DSCAML1: variants seen among roughly 807,000 people sequenced by gnomAD.
DSCAML1 encodes the protein DS cell adhesion molecule like 1.
Under a neutral mutation model 200.5 loss-of-function variants are expected in DSCAML1, and 38 were observed. That is an observed-to-expected ratio of 0.19 (90% confidence interval 0.15 to 0.25). The LOEUF is 0.25. Among genes scored for constraint, DSCAML1 ranks in the 10% least tolerant of loss-of-function variants. The pLI, the probability that DSCAML1 is intolerant of heterozygous loss-of-function variation, is 1.00. For missense variants in DSCAML1, 2,223 were observed against 2,858.8 expected, an observed-to-expected ratio of 0.78 and a Z score of 5.07; for synonymous variants, 1,215 against 1,165.0, an observed-to-expected ratio of 1.04 and a Z score of -0.87.
At chr11:117,457,980 A>G (rs1391907140) in intron 19 of DSCAML1, among the ~76,000 whole-genome samples, 3 of 152,216 alleles carry the variant, frequency 2.0e-5, no homozygotes, top group Non-Finnish European at 2.9e-5. Context: ...CCTGTGAAAC[A>G]ACTAAATGAT....
intron 3 of DSCAML1, among the ~76,000 whole-genome samples, chr11:117,733,817 A>G (rs950843879): frequency 1.3e-5 from 2 of 151,422 alleles, no homozygotes; most frequent in African/African-American, 4.9e-5. Context: ...TGGAGAAGTC[A>G]TCTTCCTCTG....
intron 3 of DSCAML1, among the ~76,000 whole-genome samples, chr11:117,740,028 T>C (rs1244229780): frequency 6.6e-6 from 1 of 152,118 alleles, no homozygotes; most frequent in Non-Finnish European, 1.5e-5. Flanking sequence ...GAGGAACCAA[T>C]GGGTAGAGAT....
At chr11:117,670,583 T>G (rs2053083838) in intron 3 of DSCAML1, among the ~76,000 whole-genome samples, 1 of 152,100 alleles carries the variant, frequency 6.6e-6, no homozygotes, top group African/African-American at 2.4e-5. Flanking sequence ...TTCCAGCTGC[T>G]GCGTGAAGGC....
chr11:117,516,403 G>A lies in DSCAML1; in HGVS notation c.1783+64C>T. On this transcript the variant is annotated intron_variant, in intron 8 of 32. Coordinates refer to ENST00000651296, the MANE Select transcript of DSCAML1 (RefSeq NM_020693.4). This position sits in a 1 kb window ranked among gnomAD's most constrained non-coding sequence, Gnocchi z 5.7. ...CTATTGTTGTCTGAGTCCCAGCTGG[G>A]GAAAGGCCCACGCATCCTGGGTGGT... The A allele has an allele frequency of 6.4e-7, 1 of 1,560,824 alleles. No homozygotes were observed. The highest frequency in any genetic ancestry group is 1.2e-5 in the South Asian group (1 of 82,036).
At chr11:117,446,503 A>T (rs2048179901) in intron 20 of DSCAML1, among the ~76,000 whole-genome samples, 1 of 151,908 alleles carries the variant, frequency 6.6e-6, no homozygotes, top group South Asian at 2.1e-4. Flanking sequence ...TAAGAAAAAT[A>T]TGAGAAACCC....
chr11:117,502,902 C>G (rs941430838), intron 11 of DSCAML1, among the ~76,000 whole-genome samples: 1 of 152,078 alleles, frequency 6.6e-6, no homozygotes, highest in Non-Finnish European at 1.5e-5. Context: ...CAAGTATGCT[C>G]ATCAAGGTCC....
At chr11:117,710,809 T>C (rs1227346330) in intron 3 of DSCAML1, among the ~76,000 whole-genome samples, 1 of 152,184 alleles carries the variant, frequency 6.6e-6, no homozygotes, top group Non-Finnish European at 1.5e-5. Context: ...ACCATAAATA[T>C]AGCAATGTCT....
chr11:117,439,372 G>A lies in DSCAML1; in HGVS notation c.4038C>T (p.Gly1346=). The A allele has an allele frequency of 6.2e-7, 1 of 1,613,952 alleles. No individual in the cohort carries two copies. Among genetic ancestry groups the A allele is most frequent in the Non-Finnish European group, 8.5e-7 (1 of 1,180,004 alleles). ...MDGHRLIHTN[G]TLLLRAVKAE... ...CCTTCACTGCACGCAGCAGCAGTGT[G>A]CCATTGGTGTGGATGAGCCGGTGCC... Residue 1346 remains glycine (G), a synonymous_variant, in exon 23 of 33, where the codon GGC becomes GGT. Coordinates refer to ENST00000651296, the MANE Select transcript of DSCAML1 (RefSeq NM_020693.4).
intron 3 of DSCAML1, among the ~76,000 whole-genome samples, chr11:117,649,942 C>T (rs560424605): frequency 8.7e-4 from 132 of 152,332 alleles, no homozygotes; most frequent in African/African-American, 3.1e-3. Flanking sequence ...GCTGCCTTGA[C>T]CCTTCCTCAT....
intron 16 of DSCAML1, among the ~76,000 whole-genome samples, chr11:117,467,193 A>ACACCCCCCCCCCCCCCCCCCCCCCCCCAC (rs1555172719): frequency 9.1e-6 from 1 of 109,516 alleles, no homozygotes; most frequent in Admixed American, 1.0e-4. Context: ...GTGCACACAC[A>ACACCCCCCCCCCCCCCCCCCCCCCCCCAC]CCTCCCCCCT....
chr11:117,475,790 C>CT (rs573523777), intron 14 of DSCAML1, among the ~76,000 whole-genome samples: 2,085 of 151,582 alleles, frequency 0.014, 39 homozygotes, highest in African/African-American at 0.014. Flanking sequence ...AGAACAACTC[C>CT]TTTTTTTCTT....
chr11:117,757,188 T>A (rs1485587758), intron 3 of DSCAML1, among the ~76,000 whole-genome samples: 1 of 152,178 alleles, frequency 6.6e-6, no homozygotes, highest in Non-Finnish European at 1.5e-5. Context: ...TTTGCCAAGG[T>A]ACCTACACTT....
intron 3 of DSCAML1, among the ~76,000 whole-genome samples, chr11:117,630,542 C>T (rs916637947): frequency 2.6e-5 from 4 of 151,640 alleles, no homozygotes; most frequent in Admixed American, 6.6e-5. Context: ...GCACTTGCTC[C>T]ACCAGGTCTT....
chr11:117,483,026 A>T (rs1469230749), intron 11 of DSCAML1, among the ~76,000 whole-genome samples: 1 of 152,092 alleles, frequency 6.6e-6, no homozygotes, highest in Non-Finnish European at 1.5e-5. Flanking sequence ...CCACCAAACA[A>T]CCAGGGCCCA....
chr11:117,682,326 C>T (rs1231535518), intron 3 of DSCAML1, among the ~76,000 whole-genome samples: 4 of 152,162 alleles, frequency 2.6e-5, no homozygotes, highest in African/African-American at 9.7e-5. Flanking sequence ...CTCCTTCCCA[C>T]CTGCTCCAGC....
At chr11:117,476,536 C>T (rs767634698) in intron 14 of DSCAML1, among the ~76,000 whole-genome samples, 2 of 152,198 alleles carry the variant, frequency 1.3e-5, no homozygotes, top group African/African-American at 2.4e-5. Flanking sequence ...CCATGGTGGC[C>T]GGCACAGCCC....
rs571998278 is a variant in DSCAML1 at position 117,518,842 on chromosome 11, G to A, written c.1214-80C>T. 203 of 1,470,418 alleles carry A rather than the reference G, an allele frequency of 1.4e-4. 2 individuals carry two copies. The South Asian group carries it at 2.6e-3, about 19-fold the overall frequency. 91.1% of individuals were successfully genotyped at this position (1,470,418 alleles called of 1,614,324 possible). A position where few individuals can be genotyped will look rare whatever the true frequency, so the allele number is the denominator to read the frequency against. On this transcript the variant is annotated intron_variant, in intron 6 of 32. Coordinates refer to ENST00000651296, the MANE Select transcript of DSCAML1 (RefSeq NM_020693.4). The surrounding 1 kb of genome is among the most constrained non-coding windows in gnomAD (Gnocchi z 6.3). ...CCCCAGCCACCCCACCTCAGCAGGG[G>A]AGGAGGCAAAAAGCAGCCATAAGAG...
intron 3 of DSCAML1, among the ~76,000 whole-genome samples, chr11:117,739,143 A>G (rs969663856): frequency 6.6e-6 from 1 of 152,218 alleles, no homozygotes; most frequent in African/African-American, 2.4e-5. Flanking sequence ...AAAGAAAACT[A>G]AGCCTCAGAG....
Position 117,516,318 on chromosome 11 carries a change from T to G in DSCAML1, c.1783+149A>C, listed in dbSNP as rs546805068. On this transcript the variant is annotated intron_variant, in intron 8 of 32. Transcript: ENST00000651296. The surrounding 1 kb of genome is among the most constrained non-coding windows in gnomAD (Gnocchi z 5.7). ...ACCCACAGTCTTCTGCCCTGCTCCCTTTTTTCTGAATGCCAAGCTGGGGCC... is the reference window on the plus strand; with the variant it reads ...ACCCACAGTCTTCTGCCCTGCTCCCGTTTTTCTGAATGCCAAGCTGGGGCC... 2 of 1,044,746 alleles carry G rather than the reference T, an allele frequency of 1.9e-6. No homozygotes were observed. The highest frequency in any genetic ancestry group is 2.6e-5 in the East Asian group (1 of 38,370). 64.7% of individuals were successfully genotyped at this position (1,044,746 alleles called of 1,614,324 possible).
Sources: allele counts gnomAD v4.1 joint callset (sites outside exome capture counted in the v4.1 genomes callset), GRCh38; gene constraint gnomAD v4.1.1; non-coding constraint Gnocchi (gnomAD v3.1); transcripts MANE v1.5; gene names NCBI Gene and HGNC (gene_info 2026-07-23, HGNC 2026-07-21).